The following CREM variants were observed in gnomAD, a reference collection of about 807,000 sequenced individuals.
CREM encodes cAMP responsive element modulator, also known as cAMP-responsive element modulator.
Under a neutral mutation model 37.3 loss-of-function variants are expected in CREM, and 13 were observed. The ratio of observed to expected loss-of-function variants is 0.35; its 90% CI spans 0.23 to 0.55. The LOEUF (loss-of-function observed/expected upper bound fraction) is 0.55, where lower values mean the gene tolerates loss of function less well. Ranked by LOEUF, CREM falls within the 20% of genes least tolerant of loss-of-function variation. The pLI is 0.88. For synonymous variants in CREM, 124 were observed against 120.2 expected (o/e 1.03, Z -0.21); for missense variants, 296 against 362.3 (o/e 0.82, Z 1.49).
chr10:35,188,445 T>C (rs368336843), intron 6 of CREM, 57 bp downstream of exon 6: 22 of 1,407,468 alleles, frequency 1.6e-5, no homozygotes, highest in Admixed American at 1.4e-4. Flanking sequence ...TATCACACCA[T>C]TGAGTGGTGA....
At chr10:35,151,429 G>A (rs9703848) in intron 3 of CREM, among the ~76,000 whole-genome samples, 4 of 152,062 alleles carry the variant, frequency 2.6e-5, no homozygotes, top group Non-Finnish European at 5.9e-5. Flanking sequence ...GTGCAATCTC[G>A]GCTCACTGCA....
intron 6 of CREM, among the ~76,000 whole-genome samples, chr10:35,202,860 T>C (rs767421239): frequency 5.3e-5 from 8 of 152,228 alleles, no homozygotes; most frequent in Non-Finnish European, 8.8e-5. Context: ...TTCCAAGTTA[T>C]TTTAAAGTGG....
intron 1 of CREM, among the ~76,000 whole-genome samples, chr10:35,131,931 A>T (rs533567668): frequency 6.6e-6 from 1 of 152,264 alleles, no homozygotes; most frequent in African/African-American, 2.4e-5. Context: ...TTGGTTTCAC[A>T]TTGGCCGGGT....
intron 6 of CREM, among the ~76,000 whole-genome samples, chr10:35,190,494 C>A (rs1021786722): frequency 6.6e-6 from 1 of 152,124 alleles, no homozygotes; most frequent in Non-Finnish European, 1.5e-5. Context: ...TGAATCCCAG[C>A]GCCATACATG....
At chr10:35,206,296 A>G (rs959255467) in intron 6 of CREM, among the ~76,000 whole-genome samples, 2 of 151,870 alleles carry the variant, frequency 1.3e-5, no homozygotes, top group Non-Finnish European at 2.9e-5. Context: ...ATATACATGC[A>G]TATATATATG....
At chr10:35,208,376 T>G (rs995386866) in intron 7 of CREM, among the ~76,000 whole-genome samples, 4 of 152,206 alleles carry the variant, frequency 2.6e-5, no homozygotes, top group Non-Finnish European at 5.9e-5. Context: ...TCTAAAACTT[T>G]TTAAAAATTT....
At chr10:35,175,144 C>T (rs1052926345) in intron 3 of CREM, among the ~76,000 whole-genome samples, 1 of 152,176 alleles carries the variant, frequency 6.6e-6, no homozygotes, top group Non-Finnish European at 1.5e-5. Context: ...ATATGTCACA[C>T]ATTTAATAAA....
chr10:35,143,675 T>C (rs1004140751), intron 2 of CREM, among the ~76,000 whole-genome samples: 1 of 151,948 alleles, frequency 6.6e-6, no homozygotes, highest in Non-Finnish European at 1.5e-5. Flanking sequence ...ATCCTGGAGG[T>C]GAGTAGATGA....
chr10:35,127,241 C>G (rs894302257), intron 1 of CREM, 48 bp downstream of exon 1: 1 of 153,458 alleles, frequency 6.5e-6, no homozygotes, highest in Non-Finnish European at 1.5e-5. Flanking sequence ...GCGGGCGACG[C>G]GGCGCAGGAG....
chr10:35,173,123 A>G (rs1227927876), intron 3 of CREM, among the ~76,000 whole-genome samples: 1 of 152,208 alleles, frequency 6.6e-6, no homozygotes, highest in Non-Finnish European at 1.5e-5. Context: ...CCAAATGAAT[A>G]CTTCAGGATG....
At chr10:35,211,201 T>C in intron 7 of CREM, 53 bp from the exon 8 acceptor site, 2 of 1,589,982 alleles carry the variant, frequency 1.3e-6, no homozygotes, top group Non-Finnish European at 1.7e-6. Context: ...TGACCCACTG[T>C]GGATTGTGTT....
chr10:35,196,107 C>T (rs749982688), intron 6 of CREM: 2 of 1,614,054 alleles, frequency 1.2e-6, no homozygotes, highest in Admixed American at 1.7e-5. Flanking sequence ...GTGGTAAGAT[C>T]GAGCCTCCTA....
chr10:35,174,625 T>A (rs1478797923), intron 3 of CREM, among the ~76,000 whole-genome samples: 1 of 152,246 alleles, frequency 6.6e-6, no homozygotes, highest in Non-Finnish European at 1.5e-5. Flanking sequence ...ATGCTGTGGT[T>A]CTACTACCAC....
Position 35,131,982 on chromosome 10 carries a change from G to A in CREM, c.-55+4789G>A, listed in dbSNP as rs138403090. 3.3e-5 allele frequency among the ~76,000 whole-genome samples: 5 copies of A among 152,208 alleles called. No homozygotes were observed. In the East Asian group the frequency reaches 7.7e-4, roughly 24 times the overall value. On this transcript the variant is annotated intron_variant, in intron 1 of 7. Coordinates refer to ENST00000685392, the MANE Select transcript of CREM (RefSeq NM_183011.2). Reference sequence around the variant, plus strand: ...TGTAATCCCAGTGCTTTGGGAGGCCGAGGCGGGCAAATCAGGAGACCAGCC... The same window carrying A: ...TGTAATCCCAGTGCTTTGGGAGGCCAAGGCGGGCAAATCAGGAGACCAGCC...
At chr10:35,144,033 G>C (rs186844824) in intron 2 of CREM, among the ~76,000 whole-genome samples, 50 of 152,324 alleles carry the variant, frequency 3.3e-4, no homozygotes, top group Non-Finnish European at 6.2e-4. Flanking sequence ...ATTCTGGCAT[G>C]GGTGCAGGGG....
intron 3 of CREM, chr10:35,167,529 G>A (rs1289207764): frequency 3.5e-6 from 2 of 573,630 alleles, no homozygotes; most frequent in Non-Finnish European, 6.2e-6. Flanking sequence ...ACCCCATCGT[G>A]AGGGAACCTA....
At chr10:35,188,560 G>A (rs2133723159) in intron 6 of CREM, 172 bp downstream of exon 6, 1 of 493,322 alleles carries the variant, frequency 2.0e-6, no homozygotes, top group East Asian at 3.7e-5. Flanking sequence ...AGCAAATTAA[G>A]TTTTATCATT....
chr10:35,166,617 C>T (rs1000865031), intron 3 of CREM, among the ~76,000 whole-genome samples: 72 of 151,342 alleles, frequency 4.8e-4, no homozygotes, highest in African/African-American at 1.6e-3. Flanking sequence ...TAATCCCAGC[C>T]ACTCGGGAGT....
At chr10:35,173,241 G>A (rs954120067) in intron 3 of CREM, among the ~76,000 whole-genome samples, 2 of 152,188 alleles carry the variant, frequency 1.3e-5, no homozygotes, top group African/African-American at 4.8e-5. Context: ...TAATCCTTAA[G>A]AGACAATCAG....
Sources: gnomAD v4.1 joint callset for allele counts (sites outside exome capture counted in the v4.1 genomes callset) on GRCh38, gnomAD v4.1.1 for gene constraint, MANE v1.5 for transcripts, NCBI Gene and HGNC (gene_info 2026-07-23, HGNC 2026-07-21) for gene names.